The following MZT2A variants were observed in gnomAD, a reference collection of about 807,000 sequenced individuals.
MZT2A encodes the protein mitotic spindle organizing protein 2A, also known as mitotic-spindle organizing protein 2A.
A neutral mutation model predicts 12.4 loss-of-function variants in MZT2A; 8 were observed. The ratio of observed to expected loss-of-function variants is 0.64; its 90% confidence interval spans 0.38 to 1.16. MZT2A has a LOEUF of 1.16. Ranked by LOEUF, MZT2A falls within the 50% of genes most tolerant of loss-of-function variation. The pLI is 0.01. For synonymous variants in MZT2A, 88 were observed against 107.5 expected, an observed-to-expected ratio of 0.82 and a Z score of 1.12; for missense variants, 181 against 223.6, an observed-to-expected ratio of 0.81 and a Z score of 1.22.
At chr2:131,489,793 G>T in intron 2 of MZT2A, 1 of 883,636 alleles carries the variant, frequency 1.1e-6, no homozygotes, top group Non-Finnish European at 1.4e-6. Context: ...GATTACAGGT[G>T]TGAGCCAGCA....
intron 2 of MZT2A, among the ~76,000 whole-genome samples, chr2:131,486,059 G>A (rs1679039236): frequency 6.6e-6 from 1 of 151,012 alleles, no homozygotes; most frequent in East Asian, 1.9e-4. Context: ...TGTCATGCTG[G>A]GAACTCTGTC....
rs1399297132 is a variant in MZT2A, at chr2:131,475,951, C to A, written c.279-3769G>T. On this transcript the variant is annotated intron_variant and NMD_transcript_variant, in intron 2 of 4. Transcript: ENST00000427024. Reference sequence around the variant, plus strand: ...CAACCGCGCAGCCTTTGATGACCCCCGCTGCCTTCCCGCCAATCCTACATC... The same window carrying A: ...CAACCGCGCAGCCTTTGATGACCCCAGCTGCCTTCCCGCCAATCCTACATC... 8.8e-6 allele frequency: 6 copies of A among 682,628 alleles called. No individual in the cohort carries two copies. The Admixed American group carries it at 1.8e-4, about 20-fold the overall frequency. 42.3% of individuals were successfully genotyped at this position (682,628 alleles called of 1,614,324 possible).
Position 131,492,127 on chromosome 2 carries a change from C to T in MZT2A, c.170+80G>A, listed in dbSNP as rs564802852. On this transcript the variant is annotated intron_variant, in intron 1 of 2. Coordinates refer to ENST00000309451, the MANE Select transcript of MZT2A (RefSeq NM_001085365.2). The stretch of plus-strand genomic sequence containing the variant: ...GGGCGGGGGCAGCGGGGGCTCCTCC[C>T]GACCAGCGGGCCGGGCGTACCCGGA... 15 of 1,545,840 alleles carry T rather than the reference C, an allele frequency of 9.7e-6. No individual in the cohort carries two copies. The African/African-American group carries it at 1.8e-4, about 18-fold the overall frequency.
chr2:131,473,076 C>T (rs71428585), intron 2 of MZT2A, among the ~76,000 whole-genome samples: 5,275 of 152,278 alleles, frequency 0.035, 120 homozygotes, highest in Middle Eastern at 0.078. Flanking sequence ...TGGGTGCTAC[C>T]TCCCCATGGG....
intron 2 of MZT2A, among the ~76,000 whole-genome samples, chr2:131,486,823 A>G (rs1679070319): frequency 6.6e-6 from 1 of 152,108 alleles, no homozygotes; most frequent in Admixed American, 6.5e-5. Context: ...AGGGTTGACA[A>G]ACCCTGGAAA....
chr2:131,478,548 T>A (rs1345268721), intron 2 of MZT2A, among the ~76,000 whole-genome samples: 6 of 152,260 alleles, frequency 3.9e-5, no homozygotes, highest in Non-Finnish European at 8.8e-5. Flanking sequence ...GTGATCAAAG[T>A]GTCTGTGAGA....
chr2:131,474,147 G>A (rs913346227), intron 2 of MZT2A, among the ~76,000 whole-genome samples: 3 of 151,234 alleles, frequency 2.0e-5, no homozygotes, highest in Admixed American at 1.3e-4. Flanking sequence ...GCCCAGGCTG[G>A]AGTGCAGTGG....
chr2:131,474,209 T>A (rs1678567175), intron 2 of MZT2A, among the ~76,000 whole-genome samples: 2 of 151,494 alleles, frequency 1.3e-5, no homozygotes, highest in South Asian at 4.2e-4. Flanking sequence ...GCCATCCTCC[T>A]GCCTCGGCAT....
intron 2 of MZT2A, among the ~76,000 whole-genome samples, chr2:131,475,319 CTTTTTTTTTTTTTTTT>C (rs551443616): frequency 1.5e-3 from 139 of 94,534 alleles, no homozygotes; most frequent in African/African-American, 5.2e-3. Flanking sequence ...TCCTTTCTTC[CTTTTTTTTTTTTTTTT>C]TTTTTTTTTT....
downstream of MZT2A, chr2:131,483,010 G>A: frequency 7.8e-7 from 1 of 1,283,392 alleles, no homozygotes; most frequent in South Asian, 1.5e-5. Flanking sequence ...GACAGCGGTG[G>A]GGTGCCAGCC....
At chr2:131,480,343 T>C (rs1247875073), downstream of MZT2A, 1 of 1,611,696 alleles carries the variant, frequency 6.2e-7, no homozygotes, top group Non-Finnish European at 8.5e-7. Context: ...CGGCGCAACC[T>C]GGACATTGAA....
At chr2:131,484,253 A>T in intron 2 of MZT2A, 35 bp from the exon 3 acceptor site, 1 of 1,602,438 alleles carries the variant, frequency 6.2e-7, no homozygotes, top group Non-Finnish European at 8.5e-7. Context: ...TTAGGAATGG[A>T]CGCGCCCCAT....
At chr2:131,492,935 C>T, upstream of MZT2A, 4 of 1,524,794 alleles carry the variant, frequency 2.6e-6, no homozygotes, top group Non-Finnish European at 2.7e-6. Context: ...CGCACTCCTG[C>T]CTCGCCATTT....
At chr2:131,471,224 G>A (rs1368594863) in intron 3 of MZT2A, among the ~76,000 whole-genome samples, 2 of 140,420 alleles carry the variant, frequency 1.4e-5, no homozygotes, top group Non-Finnish European at 2.9e-5. Context: ...ACGCTGCCCA[G>A]CCCACACTGC....
At chr2:131,473,983 C>T (rs1381254244) in intron 2 of MZT2A, among the ~76,000 whole-genome samples, 1 of 149,158 alleles carries the variant, frequency 6.7e-6, no homozygotes, top group East Asian at 1.9e-4. Flanking sequence ...GCCTTGTACT[C>T]ATGCCCTGGG....
At chr2:131,476,047 G>T in intron 2 of MZT2A, 1 of 1,446,502 alleles carries the variant, frequency 6.9e-7, no homozygotes, top group Non-Finnish European at 9.3e-7. Context: ...CCCTCAGCCC[G>T]CCTCCCAGGA....
intron 2 of MZT2A, among the ~76,000 whole-genome samples, chr2:131,476,426 G>C (rs1395864836): frequency 6.6e-6 from 1 of 152,190 alleles, no homozygotes; most frequent in Non-Finnish European, 1.5e-5. Flanking sequence ...TTTAGTGAAC[G>C]GGACCATTGA....
At chr2:131,475,622 C>T (rs1444159178) in intron 2 of MZT2A, among the ~76,000 whole-genome samples, 2 of 152,154 alleles carry the variant, frequency 1.3e-5, no homozygotes, top group Admixed American at 1.3e-4. Flanking sequence ...TTAGCCATCG[C>T]GCCCGGCCCG....
At position 131,483,966 on chromosome 2, in the gene MZT2A, G is replaced by A; in HGVS notation, c.*95C>T. The A allele has an allele frequency of 6.7e-7, 1 of 1,502,090 alleles. No homozygotes were observed. The highest frequency in any genetic ancestry group is 8.9e-7 in the Non-Finnish European group (1 of 1,125,428). 93.0% of individuals were successfully genotyped at this position (1,502,090 alleles called of 1,614,324 possible). On this transcript the variant is annotated 3_prime_UTR_variant, in exon 3 of 3. Transcript: ENST00000309451. The stretch of plus-strand genomic sequence containing the variant: ...AAAAACAGTAGAGAGCATCTGACCT[G>A]GACCCTCTGCATCTCAGAAAGGTTT...
Sources: gnomAD v4.1 joint callset for allele counts (sites outside exome capture counted in the v4.1 genomes callset) on GRCh38, gnomAD v4.1.1 for gene constraint, MANE v1.5 for transcripts, NCBI Gene and HGNC (gene_info 2026-07-23, HGNC 2026-07-21) for gene names.